ANTXR1: variants seen among roughly 807,000 people sequenced by gnomAD.
The protein encoded by ANTXR1 is ANTXR cell adhesion molecule 1.
Under a neutral mutation model 78.1 loss-of-function variants are expected in ANTXR1, and 19 were observed. The ratio of observed to expected loss-of-function variants is 0.24; its 90% CI spans 0.17 to 0.36. ANTXR1 has a LOEUF of 0.36. Among genes scored for constraint, ANTXR1 ranks in the 10% least tolerant of loss-of-function variants. The pLI, the probability that ANTXR1 is intolerant of heterozygous loss-of-function variation, is 1.00. For synonymous variants in ANTXR1, 273 were observed against 260.5 expected (o/e 1.05, Z -0.46); for missense variants, 518 against 718.6 (o/e 0.72, Z 3.19).
chr2:69,175,440 C>T (rs1052073339), intron 14 of ANTXR1, among the ~76,000 whole-genome samples: 20 of 146,166 alleles, frequency 1.4e-4, no homozygotes, highest in African/African-American at 5.5e-4. Flanking sequence ...GACCGCCCCC[C>T]GCCCCCGCCG....
At chr2:69,162,350 G>GGGCTAT (rs1673702423) in intron 13 of ANTXR1, among the ~76,000 whole-genome samples, 1 of 152,164 alleles carries the variant, frequency 6.6e-6, no homozygotes, top group African/African-American at 2.4e-5. Flanking sequence ...AGTGAAAGAT[G>GGGCTAT]GGCTATGGGT....
At chr2:69,077,930 G>T (rs1441672780) in intron 8 of ANTXR1, among the ~76,000 whole-genome samples, 1 of 152,212 alleles carries the variant, frequency 6.6e-6, no homozygotes, top group Non-Finnish European at 1.5e-5. Flanking sequence ...GATTTAAAAA[G>T]CACTGCTGCC....
chr2:69,151,630 G>T (rs1008522596), intron 12 of ANTXR1, among the ~76,000 whole-genome samples: 2 of 152,096 alleles, frequency 1.3e-5, no homozygotes, highest in Non-Finnish European at 2.9e-5. Flanking sequence ...TTCAGCAGCC[G>T]TTGCTCTGCC....
intron 3 of ANTXR1, among the ~76,000 whole-genome samples, chr2:69,052,656 T>A (rs964286523): frequency 6.6e-6 from 1 of 152,166 alleles, no homozygotes; most frequent in African/African-American, 2.4e-5. Flanking sequence ...TCTGAAGACT[T>A]AATACACTTT....
chr2:69,220,210 C>G (rs1180837655), intron 17 of ANTXR1, among the ~76,000 whole-genome samples: 1 of 152,056 alleles, frequency 6.6e-6, no homozygotes, highest in African/African-American at 2.4e-5. Flanking sequence ...GTTCTGTGCC[C>G]TGACCTTCCT....
In ANTXR1 at chr2:69,221,486, G is replaced by A. The variant is rs74601504; in HGVS notation, c.1435-23739G>A. On this transcript the variant is annotated intron_variant, in intron 17 of 17. Transcript: ENST00000303714. ...AAGTAAAAATAAAAGAGACTCAGTA[G>A]CATCTTAGTTCTGAGACCCAGAGAC... Among the ~76,000 whole-genome samples, 1,323 of 152,212 alleles carry A rather than the reference G, an allele frequency of 8.7e-3. 37 individuals carry two copies. In the East Asian group the frequency reaches 0.095, roughly 11 times the overall value.
intron 14 of ANTXR1, among the ~76,000 whole-genome samples, chr2:69,178,977 G>T (rs1225162132): frequency 6.6e-6 from 1 of 152,126 alleles, no homozygotes; most frequent in East Asian, 1.9e-4. Context: ...TCAGCTTTAG[G>T]GGATAGAATT....
intron 3 of ANTXR1, among the ~76,000 whole-genome samples, chr2:69,057,035 A>G (rs1670088309): frequency 6.6e-6 from 1 of 151,714 alleles, no homozygotes; most frequent in African/African-American, 2.4e-5. Context: ...CTTGCTTTTT[A>G]TACTTAATGT....
chr2:69,135,108 C>T, intron 12 of ANTXR1: 1 of 381,548 alleles, frequency 2.6e-6, no homozygotes, highest in Non-Finnish European at 5.5e-6. Flanking sequence ...AAGTAGTTTG[C>T]CAACATCTCT....
chr2:69,218,203 T>G (rs1176387825), intron 17 of ANTXR1, among the ~76,000 whole-genome samples: 2 of 152,136 alleles, frequency 1.3e-5, no homozygotes, highest in Non-Finnish European at 2.9e-5. Flanking sequence ...CCCCATGCCT[T>G]TGTAGATTAA....
intron 17 of ANTXR1, among the ~76,000 whole-genome samples, chr2:69,206,451 C>T (rs145575716): frequency 0.011 from 1,627 of 152,276 alleles, 91 homozygotes; most frequent in Admixed American, 0.087. Flanking sequence ...GAAAGTCCAC[C>T]GTGGAATCAT....
At chr2:69,196,521 G>A (rs894917450) in intron 17 of ANTXR1, among the ~76,000 whole-genome samples, 2 of 148,326 alleles carry the variant, frequency 1.3e-5, no homozygotes, top group East Asian at 1.9e-4. Flanking sequence ...AGGCGAGGCA[G>A]GGGGGGCAAT....
At chr2:69,172,297 G>C in intron 14 of ANTXR1, 1 of 1,330,484 alleles carries the variant, frequency 7.5e-7, no homozygotes. Context: ...GGCATGTGCT[G>C]ATTGCCTTAG....
intron 17 of ANTXR1, among the ~76,000 whole-genome samples, chr2:69,212,762 C>A (rs967305098): frequency 1.3e-5 from 2 of 151,980 alleles, no homozygotes; most frequent in Admixed American, 6.6e-5. Context: ...AGTGATCCTC[C>A]TACCTCTGCC....
intron 1 of ANTXR1, among the ~76,000 whole-genome samples, chr2:69,038,822 T>C (rs747659269): frequency 2.6e-5 from 4 of 152,156 alleles, no homozygotes; most frequent in Admixed American, 2.6e-4. Flanking sequence ...CAGACAGATA[T>C]ATCATTTCTG....
Position 69,044,739 on chromosome 2 carries a change from C to A in ANTXR1, c.225-3C>A. On this transcript the variant is annotated splice_region_variant and splice_polypyrimidine_tract_variant and intron_variant, in intron 2 of 17. Coordinates refer to ENST00000303714, the MANE Select transcript of ANTXR1 (RefSeq NM_032208.3). ...TCCTAATAGAGCTTCTTTTCCTTTCCAGCCCACAGTTGAGAATGTCCTTTA... is the reference window on the plus strand; with the variant it reads ...TCCTAATAGAGCTTCTTTTCCTTTCAAGCCCACAGTTGAGAATGTCCTTTA... The A allele has an allele frequency of 6.2e-7, 1 of 1,613,778 alleles. No individual in the cohort carries two copies. The highest frequency in any genetic ancestry group is 8.5e-7 in the Non-Finnish European group (1 of 1,179,758).
chr2:69,051,513 A>T (rs1459148658), intron 3 of ANTXR1, among the ~76,000 whole-genome samples: 1 of 151,950 alleles, frequency 6.6e-6, no homozygotes, highest in East Asian at 1.9e-4. Context: ...CAATTTCTAG[A>T]GTCATGGAAG....
intron 3 of ANTXR1, among the ~76,000 whole-genome samples, chr2:69,060,874 C>A (rs1369477625): frequency 6.6e-6 from 1 of 152,072 alleles, no homozygotes; most frequent in Non-Finnish European, 1.5e-5. Flanking sequence ...AAGATGTTTT[C>A]CCCTTTCTTT....
chr2:69,204,057 G>T (rs1156489980), intron 17 of ANTXR1, among the ~76,000 whole-genome samples: 3 of 152,104 alleles, frequency 2.0e-5, no homozygotes. Context: ...ATTTTAGGAG[G>T]TTTGCTACTT....
Sources: allele counts gnomAD v4.1 joint callset (sites outside exome capture counted in the v4.1 genomes callset), GRCh38; gene constraint gnomAD v4.1.1; transcripts MANE v1.5; gene names NCBI Gene and HGNC (gene_info 2026-07-23, HGNC 2026-07-21).